NCKAP5: variants seen among roughly 807,000 people sequenced by gnomAD.
The protein encoded by NCKAP5 is nck-associated protein 5.
Under a neutral mutation model 167.0 loss-of-function variants are expected in NCKAP5, and 92 were observed. The ratio of observed to expected loss-of-function variants is 0.55; its 90% CI spans 0.47 to 0.66. The LOEUF is 0.66. Ranked by LOEUF, NCKAP5 falls within the 30% of genes least tolerant of loss-of-function variation. NCKAP5 has a pLI of 0.00. For missense variants in NCKAP5, 2,378 were observed against 2,315.0 expected (o/e 1.03, Z -0.56); for synonymous variants, 891 against 877.4 (o/e 1.02, Z -0.27).
chr2:133,604,364 C>A, the NCKAP5 span, among the ~76,000 whole-genome samples: 1 of 151,978 alleles, frequency 6.6e-6, no homozygotes, highest in South Asian at 2.1e-4. Context: ...TGCCACCACG[C>A]CTGGCTAATT....
chr2:132,784,384 A>G lies in NCKAP5; in HGVS notation c.2427T>C (p.Ser809=). ...CCATTAGTTTTGATTTCTGAGGTGA[A>G]GACTTGCCCCTGGGAGGTATTTTTG... ...NLTKIPPRGK[S]SPQKSKLMEP... The change falls in exon 14 of 20, where the codon TCT becomes TCC. Residue 809 remains serine, a synonymous_variant. Coordinates refer to ENST00000409261, the MANE Select transcript of NCKAP5 (RefSeq NM_207363.3). The G allele has an allele frequency of 6.2e-7, 1 of 1,613,950 alleles. No homozygotes were observed.
intron 8 of NCKAP5, among the ~76,000 whole-genome samples, chr2:132,952,422 T>C (rs998499858): frequency 6.6e-6 from 1 of 152,218 alleles, no homozygotes; most frequent in African/African-American, 2.4e-5. Flanking sequence ...TACCTAAATC[T>C]GGCCCTGGCA....
chr2:133,413,280 G>A (rs1418786249), intron 3 of NCKAP5, among the ~76,000 whole-genome samples: 1 of 152,250 alleles, frequency 6.6e-6, no homozygotes, highest in East Asian at 1.9e-4. Flanking sequence ...ATTGTAAATG[G>A]CTTCTTTAGC....
At chr2:133,533,290 C>T (rs1006524115) in intron 2 of NCKAP5, among the ~76,000 whole-genome samples, 3 of 152,206 alleles carry the variant, frequency 2.0e-5, no homozygotes, top group African/African-American at 7.2e-5. Flanking sequence ...GTTCACTTTA[C>T]CAAACTCTTC....
intron 6 of NCKAP5, among the ~76,000 whole-genome samples, chr2:133,085,576 G>T (rs2080960309): frequency 1.3e-5 from 2 of 152,126 alleles, no homozygotes; most frequent in Admixed American, 6.5e-5. Flanking sequence ...AAAAAAAGCT[G>T]CCAGTTCCTT....
intron 6 of NCKAP5, among the ~76,000 whole-genome samples, chr2:133,037,263 T>C (rs1280069618): frequency 6.6e-6 from 1 of 152,058 alleles, no homozygotes; most frequent in Non-Finnish European, 1.5e-5. Context: ...CCTATCAAAA[T>C]ACCAATGACA....
intron 11 of NCKAP5, among the ~76,000 whole-genome samples, chr2:132,829,787 G>A (rs1222449599): frequency 6.6e-6 from 1 of 152,202 alleles, no homozygotes; most frequent in African/African-American, 2.4e-5. Flanking sequence ...TGATGCTGCT[G>A]CTGTTGGTGG....
intron 8 of NCKAP5, among the ~76,000 whole-genome samples, chr2:132,913,444 G>A (rs1424883903): frequency 6.6e-6 from 1 of 151,890 alleles, no homozygotes; most frequent in Non-Finnish European, 1.5e-5. Flanking sequence ...GTAGACTAGA[G>A]ACAAGAAGAA....
rs1683415726 is a variant in NCKAP5, at chr2:132,784,921, A to C, written c.1890T>G (p.Ser630=). Residue 630 remains serine, a synonymous_variant, in exon 14 of 20, where the codon TCT becomes TCG. Transcript: ENST00000409261. The part of the protein sequence containing the change: ...LVGFGKSLCG[S]PEEEEKQVPI... ...GCACTTGTTTTTCCTCCTCTTCAGG[A>C]GACCCACATAGAGATTTTCCAAACC... The C allele has an allele frequency of 1.3e-5, 20 of 1,584,996 alleles. No individual in the cohort carries two copies. The highest frequency in any genetic ancestry group is 1.7e-5 in the Non-Finnish European group (20 of 1,165,666).
At position 133,122,138 on chromosome 2, in the gene NCKAP5, T is replaced by G. The variant is rs533650018; in HGVS notation, c.341+7840A>C. On this transcript the variant is annotated intron_variant, in intron 6 of 19. Coordinates refer to ENST00000409261, the MANE Select transcript of NCKAP5 (RefSeq NM_207363.3). Reference sequence around the variant, plus strand: ...TCCAGGACATGAAAATATTCTGTATTTTAATTGTGGTGGTAGTTACATGAG... The same window carrying G: ...TCCAGGACATGAAAATATTCTGTATGTTAATTGTGGTGGTAGTTACATGAG... 83 of 152,254 alleles carry G rather than the reference T, an allele frequency of 5.5e-4. 1 individual carries two copies. Among genetic ancestry groups the G allele is most frequent in the African/African-American group, 1.9e-3 (81 of 41,556 alleles). The allele number at this position is 152,254 out of a possible 1,614,324, so 9.4% of individuals were successfully genotyped here.
intron 6 of NCKAP5, among the ~76,000 whole-genome samples, chr2:133,051,503 C>A (rs1437837164): frequency 6.6e-6 from 1 of 152,116 alleles, no homozygotes; most frequent in Non-Finnish European, 1.5e-5. Flanking sequence ...AAAATTAAAG[C>A]AGGTGCTGGG....
chr2:132,865,351 G>GT (rs1250517167), intron 10 of NCKAP5, among the ~76,000 whole-genome samples: 12 of 152,070 alleles, frequency 7.9e-5, no homozygotes, highest in Non-Finnish European at 1.6e-4. Context: ...AACAGTTCAC[G>GT]TAACTACAGT....
intron 3 of NCKAP5, among the ~76,000 whole-genome samples, chr2:133,346,125 C>T (rs1683959778): frequency 6.6e-6 from 1 of 152,140 alleles, no homozygotes; most frequent in African/African-American, 2.4e-5. Flanking sequence ...CTCTAAGCAA[C>T]GTTTGCCTCT....
In NCKAP5 at chr2:132,834,601, T is replaced by G. The variant is rs577218100; in HGVS notation, c.807+25891A>C. Among the ~76,000 whole-genome samples the G allele has an allele frequency of 3.3e-5, 5 of 152,278 alleles. No homozygotes were observed. The South Asian group carries it at 1.0e-3, about 32-fold the overall frequency. On this transcript the variant is annotated intron_variant, in intron 11 of 19. Transcript: ENST00000409261. ...ACCTTGTGATCTACCGACCTCGGCC[T>G]CCCAAAGTGCTGGGATTACAGGCGT...
chr2:132,694,614 G>A (rs985628740), intron 19 of NCKAP5, among the ~76,000 whole-genome samples: 2 of 152,162 alleles, frequency 1.3e-5, no homozygotes, highest in Non-Finnish European at 2.9e-5. Context: ...AAACACTGGT[G>A]GGATTTAGAT....
At chr2:133,337,201 C>A (rs1347615075) in intron 3 of NCKAP5, among the ~76,000 whole-genome samples, 1 of 152,178 alleles carries the variant, frequency 6.6e-6, no homozygotes, top group Non-Finnish European at 1.5e-5. Context: ...TCACACTCAA[C>A]ATACCTGGGT....
At chr2:132,843,201 G>C (rs1334834352) in intron 11 of NCKAP5, among the ~76,000 whole-genome samples, 3 of 151,988 alleles carry the variant, frequency 2.0e-5, no homozygotes, top group Non-Finnish European at 4.4e-5. Flanking sequence ...TTTGTATATG[G>C]CTATTATATC....
the NCKAP5 span, among the ~76,000 whole-genome samples, chr2:133,624,797 C>T: frequency 1.3e-5 from 2 of 152,186 alleles, no homozygotes; most frequent in Admixed American, 6.5e-5. Context: ...GCACATGTTA[C>T]GTTTTTGGAA....
chr2:133,338,950 G>A (rs1045016735), intron 3 of NCKAP5, among the ~76,000 whole-genome samples: 2 of 152,184 alleles, frequency 1.3e-5, no homozygotes, highest in East Asian at 3.8e-4. Flanking sequence ...AACCTGGGAG[G>A]TTGAGGCTGC....
Sources: gnomAD v4.1 joint callset for allele counts (sites outside exome capture counted in the v4.1 genomes callset) on GRCh38, gnomAD v4.1.1 for gene constraint, MANE v1.5 for transcripts, NCBI Gene and HGNC (gene_info 2026-07-23, HGNC 2026-07-21) for gene names.